NINJ1: variants seen among roughly 807,000 people sequenced by gnomAD.
The protein encoded by NINJ1 is ninjurin-1.
NINJ1 carries 6 observed loss-of-function variants against 12.7 expected under a neutral mutation model. The observed-to-expected ratio is 0.47, with a 90% CI of 0.26 to 0.93. NINJ1 has a LOEUF of 0.93. NINJ1 is among the 40% of genes least tolerant of loss of function. The pLI, the probability that NINJ1 is intolerant of heterozygous loss-of-function variation, is 0.15. For synonymous variants in NINJ1, 100 were observed against 96.0 expected, an observed-to-expected ratio of 1.04 and a Z score of -0.25; for missense variants, 170 against 213.0, an observed-to-expected ratio of 0.80 and a Z score of 1.26.
chr9:93,126,720 G>A, intron 1 of NINJ1, 82 bp from the exon 2 acceptor site: 3 of 1,089,596 alleles, frequency 2.8e-6, no homozygotes, highest in Non-Finnish European at 4.0e-6. Context: ...GGGGTCACCG[G>A]GCCCTGCAGG....
At chr9:93,133,038 G>T (rs1225841827) in intron 1 of NINJ1, among the ~76,000 whole-genome samples, 1 of 152,212 alleles carries the variant, frequency 6.6e-6, no homozygotes, top group Non-Finnish European at 1.5e-5. Flanking sequence ...CACACAGCCG[G>T]AGGAGCCCCC....
intron 1 of NINJ1, among the ~76,000 whole-genome samples, chr9:93,126,928 C>T (rs535849207): frequency 3.3e-5 from 5 of 152,298 alleles, no homozygotes; most frequent in Non-Finnish European, 4.4e-5. Context: ...GATCCTCCCA[C>T]TCCTGCCATA....
intron 1 of NINJ1, among the ~76,000 whole-genome samples, chr9:93,127,279 GCCTCAGCATACGACATA>G (rs1827827636): frequency 6.6e-6 from 1 of 152,228 alleles, no homozygotes; most frequent in Admixed American, 6.5e-5. Flanking sequence ...CTCAACAGAT[GCCTCAGCATACGACATA>G]CAGTGGAGCT....
chr9:93,123,317 T>C (rs1827760520), intron 3 of NINJ1, among the ~76,000 whole-genome samples: 1 of 151,876 alleles, frequency 6.6e-6, no homozygotes, highest in Non-Finnish European at 1.5e-5. Flanking sequence ...TGGAGTCTCA[T>C]ACTGTTGCCC....
intron 1 of NINJ1, among the ~76,000 whole-genome samples, chr9:93,128,561 C>T (rs930078840): frequency 2.0e-5 from 3 of 152,234 alleles, no homozygotes; most frequent in Non-Finnish European, 1.5e-5. Flanking sequence ...GCCCAGTGGG[C>T]CACACCCCAT....
chr9:93,125,190 T>C, intron 2 of NINJ1, 128 bp from the exon 3 acceptor site: 1 of 884,726 alleles, frequency 1.1e-6, no homozygotes, highest in Non-Finnish European at 1.7e-6. Flanking sequence ...CTCAGTCGCA[T>C]TTAGGATGAG....
intron 2 of NINJ1, chr9:93,126,000 T>G (rs1489942414): frequency 5.5e-6 from 1 of 182,770 alleles, no homozygotes; most frequent in Non-Finnish European, 1.2e-5. Flanking sequence ...GCTCAAAAAT[T>G]CGACTGGGCA....
chr9:93,122,662 T>TA (rs1452247263), intron 3 of NINJ1, among the ~76,000 whole-genome samples: 6 of 152,190 alleles, frequency 3.9e-5, no homozygotes, highest in Admixed American at 3.9e-4. Context: ...TGCCAGGACT[T>TA]AGAGGCCTGG....
chr9:93,129,555 C>T (rs1234355669), intron 1 of NINJ1, among the ~76,000 whole-genome samples: 6 of 152,222 alleles, frequency 3.9e-5, no homozygotes, highest in African/African-American at 1.4e-4. Context: ...CAGCCCAGCC[C>T]GTGGCCCTGA....
intron 2 of NINJ1, 73 bp from the exon 3 acceptor site, chr9:93,125,135 G>A: frequency 1.4e-6 from 2 of 1,471,894 alleles, no homozygotes; most frequent in South Asian, 1.3e-5. Context: ...ACAGTGGAAG[G>A]GGACCCACCC....
intron 3 of NINJ1, among the ~76,000 whole-genome samples, chr9:93,123,976 G>T (rs1320644316): frequency 6.6e-6 from 1 of 152,250 alleles, no homozygotes; most frequent in Non-Finnish European, 1.5e-5. Context: ...GCCTCGTCCT[G>T]TAGAGACAGC....
At chr9:93,125,223 C>A in intron 2 of NINJ1, 161 bp from the exon 3 acceptor site, 2 of 680,908 alleles carry the variant, frequency 2.9e-6, no homozygotes, top group Non-Finnish European at 4.6e-6. Context: ...GAGAAAAATA[C>A]ATCTGTTTTG....
chr9:93,132,735 C>T (rs899698772), intron 1 of NINJ1, among the ~76,000 whole-genome samples: 2 of 152,214 alleles, frequency 1.3e-5, no homozygotes, highest in African/African-American at 4.8e-5. Flanking sequence ...GATCCGGGAA[C>T]AAATCCAACC....
At chr9:93,124,859 C>T (rs1016386676) in intron 3 of NINJ1, 40 bp downstream of exon 3, 1 of 1,565,432 alleles carries the variant, frequency 6.4e-7, no homozygotes, top group African/African-American at 1.4e-5. Context: ...CAGCGAGCAA[C>T]CCCAGGACTG....
At chr9:93,123,803 A>G (rs1424509464) in intron 3 of NINJ1, among the ~76,000 whole-genome samples, 1 of 152,198 alleles carries the variant, frequency 6.6e-6, no homozygotes, top group Non-Finnish European at 1.5e-5. Context: ...GCCTGGCTGC[A>G]TGGACTGTAG....
intron 1 of NINJ1, among the ~76,000 whole-genome samples, chr9:93,129,053 A>G (rs1436596431): frequency 6.6e-6 from 1 of 152,162 alleles, no homozygotes; most frequent in East Asian, 1.9e-4. Flanking sequence ...ATCCATTAAA[A>G]AGCACCATCC....
chr9:93,129,088 C>T (rs1048838627), intron 1 of NINJ1, among the ~76,000 whole-genome samples: 3 of 152,196 alleles, frequency 2.0e-5, no homozygotes, highest in African/African-American at 4.8e-5. Context: ...GCTCCCCAAG[C>T]CTCAGCTCTC....
At chr9:93,133,800 G>C (rs1053248698) in intron 1 of NINJ1, among the ~76,000 whole-genome samples, 6 of 152,308 alleles carry the variant, frequency 3.9e-5, no homozygotes, top group African/African-American at 7.2e-5. Context: ...CGCGAGAGTG[G>C]GGGGGAGGTC....
In NINJ1 at chr9:93,133,915, C is replaced by T. The variant is rs142249111; in HGVS notation, c.75+228G>A. Among the ~76,000 whole-genome samples the T allele has an allele frequency of 5.7e-3, 865 of 152,316 alleles. 7 individuals are homozygous for T. Among genetic ancestry groups the T allele is most frequent in the Non-Finnish European group, 9.3e-3 (630 of 67,996 alleles). ...TGCTTAGTGGGGCTGGGGACGCCAG[C>T]CCGCCCTGCGCCCCCACGCCCCCTC... On this transcript the variant is annotated intron_variant, in intron 1 of 3. Coordinates refer to ENST00000375446, the MANE Select transcript of NINJ1 (RefSeq NM_004148.4).
Sources: gnomAD v4.1 joint callset for allele counts (sites outside exome capture counted in the v4.1 genomes callset) on GRCh38, gnomAD v4.1.1 for gene constraint, MANE v1.5 for transcripts, NCBI Gene and HGNC (gene_info 2026-07-23, HGNC 2026-07-21) for gene names.